ALG13: variants seen among roughly 807,000 people sequenced by gnomAD.
ALG13 encodes the protein ALG13 UDP-N-acetylglucosaminyltransferase subunit.
Under a neutral mutation model 87.8 loss-of-function variants are expected in ALG13, and 11 were observed. That is an observed-to-expected ratio of 0.13 (90% confidence interval 0.08 to 0.21). ALG13 has a LOEUF of 0.21. ALG13 is among the 10% of genes least tolerant of loss of function. ALG13 has a pLI of 1.00. For synonymous variants in ALG13, 320 were observed against 306.3 expected (o/e 1.04, Z -0.47); for missense variants, 756 against 866.1 (o/e 0.87, Z 1.60).
At chrX:111,689,500 T>C (rs1227044913) in intron 3 of ALG13, 1 of 752,288 alleles carries the variant, frequency 1.3e-6, no homozygotes, top group Admixed American at 8.8e-5. Flanking sequence ...ATGCATAACC[T>C]AAATTCCATT....
intron 8 of ALG13, among the ~76,000 whole-genome samples, chrX:111,717,343 T>G (rs959037843): frequency 1.8e-5 from 2 of 111,320 alleles, no homozygotes; most frequent in African/African-American, 6.5e-5. Context: ...TGGTGCTATA[T>G]AGTGTATTGA....
At chrX:111,752,632 T>C (rs1944861175) in intron 24 of ALG13, 158 bp from the exon 25 acceptor site, 1 of 383,711 alleles carries the variant, frequency 2.6e-6, no homozygotes, top group African/African-American at 2.7e-5. Context: ...GCCAGGATGG[T>C]CTTGAACTCC....
chrX:111,736,883 G>C lies in ALG13; in HGVS notation c.2695+4G>C, dbSNP rs750960252. 6.7e-6 allele frequency: 8 copies of C among 1,190,255 alleles called. No individual in the cohort carries two copies. The South Asian group carries it at 1.5e-4, about 23-fold the overall frequency. On this transcript the variant is annotated splice_donor_region_variant and intron_variant, in intron 23 of 26. Coordinates refer to ENST00000394780, the MANE Select transcript of ALG13 (RefSeq NM_001099922.3). ...CCACCTACACACGGCAGGCCAGGTAGGTTATTAGCAGATGCTTACTTTGGA... is the reference window on the plus strand; with the variant it reads ...CCACCTACACACGGCAGGCCAGGTACGTTATTAGCAGATGCTTACTTTGGA...
intron 2 of ALG13, among the ~76,000 whole-genome samples, chrX:111,684,415 G>T (rs887911071): frequency 9.1e-6 from 1 of 110,401 alleles, no homozygotes; most frequent in Non-Finnish European, 1.9e-5. Context: ...TCCAACTCTT[G>T]GGCTCAAGCA....
chrX:111,728,342 C>A (rs1375385232), intron 19 of ALG13, 37 bp downstream of exon 19: 1 of 1,199,093 alleles, frequency 8.3e-7, no homozygotes, highest in Non-Finnish European at 1.1e-6. Flanking sequence ...TTAAAAGATT[C>A]TTGTGGCATT....
intron 26 of ALG13, among the ~76,000 whole-genome samples, chrX:111,758,127 G>GT (rs1025984069): frequency 8.1e-5 from 9 of 111,567 alleles, no homozygotes; most frequent in South Asian, 3.8e-4. Context: ...CCAATCTTAT[G>GT]TTTTTTTGTT....
At chrX:111,736,092 C>T (rs1943213181) in intron 22 of ALG13, among the ~76,000 whole-genome samples, 1 of 111,059 alleles carries the variant, frequency 9.0e-6, no homozygotes, top group Admixed American at 9.6e-5. Context: ...TTACTTGAGC[C>T]CAGGGGTTCA....
chrX:111,713,738 C>T lies in ALG13; in HGVS notation c.1005+441C>T, dbSNP rs184521629. 7.4e-4 allele frequency among the ~76,000 whole-genome samples: 83 copies of T among 111,702 alleles called. 1 individual carries two copies. The highest frequency in any genetic ancestry group is 2.4e-3 in the African/African-American group (75 of 30,771). ...TCACTTTGTGCTCCCTTAGCAGCTC[C>T]CAAGTAATTGTAGTGTTTATTATAT... On this transcript the variant is annotated intron_variant, in intron 8 of 26. Transcript: ENST00000394780.
chrX:111,708,581 A>G (rs1371585783), intron 4 of ALG13, among the ~76,000 whole-genome samples, 188 bp downstream of exon 4: 1 of 111,493 alleles, frequency 9.0e-6, no homozygotes, highest in East Asian at 2.8e-4. Flanking sequence ...AATAGTCTAT[A>G]TTGCTGAACC....
chrX:111,740,200 C>G (rs964267987), intron 23 of ALG13, among the ~76,000 whole-genome samples: 1 of 110,734 alleles, frequency 9.0e-6, no homozygotes, highest in Non-Finnish European at 1.9e-5. Context: ...TTTTCATGCT[C>G]TCAGTCACAT....
intron 24 of ALG13, 50 bp downstream of exon 24, chrX:111,744,954 TG>T (rs1233737816): frequency 3.9e-6 from 4 of 1,022,187 alleles, no homozygotes. Context: ...TAAAAAATAT[TG>T]TTAGAGCATA....
intron 21 of ALG13, among the ~76,000 whole-genome samples, chrX:111,732,611 A>G (rs372374562): frequency 2.7e-5 from 3 of 112,246 alleles, no homozygotes; most frequent in East Asian, 5.6e-4. Context: ...GGGAAGGGCA[A>G]TCCTACCATC....
At chrX:111,734,669 A>G (rs1255578868) in intron 21 of ALG13, among the ~76,000 whole-genome samples, 1 of 112,261 alleles carries the variant, frequency 8.9e-6, no homozygotes, top group Non-Finnish European at 1.9e-5. Context: ...ACGCAACTGA[A>G]TAACCAGTTT....
chrX:111,713,323 TATATA>T (rs746237627), intron 8 of ALG13, 26 bp downstream of exon 8: 5 of 1,021,436 alleles, frequency 4.9e-6, no homozygotes, highest in Admixed American at 2.4e-5. Flanking sequence ...AATGTTGACT[TATATA>T]AAAGAAGTTG....
At chrX:111,694,296 C>T (rs1352563684) in intron 3 of ALG13, among the ~76,000 whole-genome samples, 1 of 111,547 alleles carries the variant, frequency 9.0e-6, no homozygotes, top group Non-Finnish European at 1.9e-5. Context: ...CCACCCGCCT[C>T]AGCCTCCCAA....
intron 6 of ALG13, 73 bp from the exon 7 acceptor site, chrX:111,712,411 T>C (rs1939924381): frequency 1.5e-6 from 1 of 654,231 alleles, no homozygotes; most frequent in Non-Finnish European, 2.3e-6. Flanking sequence ...CAGCTAAAAA[T>C]TTGTTGTGCT....
chrX:111,711,568 A>T (rs1939784093), intron 5 of ALG13, 107 bp from the exon 6 acceptor site: 2 of 686,309 alleles, frequency 2.9e-6, no homozygotes, highest in Non-Finnish European at 4.4e-6. Flanking sequence ...TACTTACACC[A>T]TAATTGTTGA....
chrX:111,713,451 A>T (rs184212925), intron 8 of ALG13, among the ~76,000 whole-genome samples, 154 bp downstream of exon 8: 1 of 111,873 alleles, frequency 8.9e-6, no homozygotes, highest in African/African-American at 3.2e-5. Flanking sequence ...TAGTCAGTTA[A>T]TCTCAGTGTT....
chrX:111,733,884 T>C (rs1942973973), intron 21 of ALG13, among the ~76,000 whole-genome samples: 1 of 112,195 alleles, frequency 8.9e-6, no homozygotes, highest in African/African-American at 3.2e-5. Context: ...ATGGTTCTTA[T>C]TTGCATTTCC....
Sources: allele counts gnomAD v4.1 joint callset (sites outside exome capture counted in the v4.1 genomes callset), GRCh38; gene constraint gnomAD v4.1.1; transcripts MANE v1.5; gene names NCBI Gene and HGNC (gene_info 2026-07-23, HGNC 2026-07-21).